The following GPC6 variants were observed in gnomAD, a reference collection of about 807,000 sequenced individuals.
GPC6 encodes glypican-6.
GPC6 carries 14 observed loss-of-function variants against 55.2 expected under a neutral mutation model. That is an observed-to-expected ratio of 0.25 (90% CI 0.17 to 0.40). The LOEUF is 0.40. Ranked by LOEUF, GPC6 falls within the 10% of genes least tolerant of loss-of-function variation. The pLI is 1.00. For missense variants in GPC6, 641 were observed against 708.5 expected, an observed-to-expected ratio of 0.90 and a Z score of 1.08; for synonymous variants, 278 against 259.6, an observed-to-expected ratio of 1.07 and a Z score of -0.68.
chr13:94,182,678 G>A (rs940192586), intron 4 of GPC6, among the ~76,000 whole-genome samples: 7 of 152,152 alleles, frequency 4.6e-5, no homozygotes, highest in Non-Finnish European at 8.8e-5. Context: ...AGCAGATAAA[G>A]TCCAAAATGA....
At chr13:93,850,384 G>A (rs1404484167) in intron 3 of GPC6, among the ~76,000 whole-genome samples, 2 of 151,740 alleles carry the variant, frequency 1.3e-5, no homozygotes, top group Admixed American at 1.3e-4. Flanking sequence ...TAATAACTCG[G>A]GAGACCATTG....
chr13:94,097,460 T>C (rs922983875), intron 4 of GPC6, among the ~76,000 whole-genome samples: 5 of 137,282 alleles, frequency 3.6e-5, no homozygotes, highest in Admixed American at 1.7e-4. Flanking sequence ...TGAGCGGAGA[T>C]CGCGCCACTG....
intron 1 of GPC6, among the ~76,000 whole-genome samples, chr13:93,293,149 A>T (rs926446489): frequency 2.6e-5 from 4 of 151,714 alleles, no homozygotes; most frequent in African/African-American, 9.7e-5. Flanking sequence ...TCTCGGGCTA[A>T]TTTTTTTCTA....
At chr13:94,354,699 T>G (rs1878709089) in intron 6 of GPC6, among the ~76,000 whole-genome samples, 1 of 152,224 alleles carries the variant, frequency 6.6e-6, no homozygotes, top group African/African-American at 2.4e-5. Context: ...ATGAAAAGAA[T>G]GCAGACAGCA....
At chr13:93,744,299 C>G (rs955653830) in intron 2 of GPC6, among the ~76,000 whole-genome samples, 1 of 152,092 alleles carries the variant, frequency 6.6e-6, no homozygotes, top group African/African-American at 2.4e-5. Flanking sequence ...TCAGCTCAGT[C>G]CTTACATTGA....
intron 2 of GPC6, among the ~76,000 whole-genome samples, chr13:93,803,236 C>T (rs1675041762): frequency 6.6e-6 from 1 of 152,036 alleles, no homozygotes; most frequent in Admixed American, 6.6e-5. Flanking sequence ...ATAAAGAACT[C>T]TTCTAATGCC....
chr13:94,284,516 C>A (rs1248342683), intron 4 of GPC6, among the ~76,000 whole-genome samples: 1 of 144,064 alleles, frequency 6.9e-6, no homozygotes, highest in Non-Finnish European at 1.5e-5. Context: ...ATTTCTCTGG[C>A]CTTCTATCAG....
intron 4 of GPC6, among the ~76,000 whole-genome samples, chr13:94,101,167 G>C (rs1298360591): frequency 1.3e-5 from 2 of 152,196 alleles, no homozygotes; most frequent in Non-Finnish European, 2.9e-5. Context: ...CCAGGCTTCT[G>C]TTTTAAACTA....
At chr13:94,060,191 G>T (rs1884271121) in intron 4 of GPC6, among the ~76,000 whole-genome samples, 1 of 152,118 alleles carries the variant, frequency 6.6e-6, no homozygotes, top group Non-Finnish European at 1.5e-5. Flanking sequence ...AGTTAAAATT[G>T]CAATCTGCCC....
intron 1 of GPC6, among the ~76,000 whole-genome samples, chr13:93,487,129 G>A (rs9524090): frequency 0.15 from 22,071 of 152,136 alleles, 1,829 homozygotes; most frequent in Non-Finnish European, 0.19. Flanking sequence ...TCTAACTAGT[G>A]TTAAATATCT....
At chr13:93,554,964 C>T (rs9584127) in intron 2 of GPC6, among the ~76,000 whole-genome samples, 22,876 of 152,156 alleles carry the variant, frequency 0.15, 1,915 homozygotes, top group Middle Eastern at 0.23. Flanking sequence ...ACAGTCTTCA[C>T]ACTGTTTCCT....
chr13:94,099,715 T>C (rs2138823707), intron 4 of GPC6, among the ~76,000 whole-genome samples: 1 of 152,286 alleles, frequency 6.6e-6, no homozygotes. Flanking sequence ...ACACTGAGGA[T>C]CTTGGGACCG....
At chr13:93,506,158 C>A (rs1272713144) in intron 1 of GPC6, among the ~76,000 whole-genome samples, 1 of 152,030 alleles carries the variant, frequency 6.6e-6, no homozygotes, top group Non-Finnish European at 1.5e-5. Flanking sequence ...CAGTTCAGAG[C>A]CCACTCCACC....
intron 4 of GPC6, among the ~76,000 whole-genome samples, chr13:94,100,825 T>C (rs1885830068): frequency 6.6e-6 from 1 of 152,242 alleles, no homozygotes; most frequent in Non-Finnish European, 1.5e-5. Flanking sequence ...GATAATAATT[T>C]CTTTGGAAAT....
chr13:93,368,124 C>G (rs1457669162), intron 1 of GPC6, among the ~76,000 whole-genome samples: 2 of 152,034 alleles, frequency 1.3e-5, no homozygotes, highest in African/African-American at 4.8e-5. Flanking sequence ...GTTGCAAACA[C>G]CTCTATGATT....
rs183663941 is a variant in GPC6 at position 93,551,780 on chromosome 13, G to A, written c.319+6359G>A. Among the ~76,000 whole-genome samples, 31 of 152,110 alleles carry A rather than the reference G, an allele frequency of 2.0e-4. No individual in the cohort carries two copies. In the East Asian group the frequency reaches 4.3e-3, roughly 21 times the overall value. On this transcript the variant is annotated intron_variant, in intron 2 of 8. Transcript: ENST00000377047. The stretch of plus-strand genomic sequence containing the variant: ...TTCCCAATGTTTTACTAATCACATT[G>A]ACTTTTAAAAAATAGATTCCCTAGG...
chr13:94,083,542 C>T (rs1191677554), intron 4 of GPC6, among the ~76,000 whole-genome samples: 1 of 152,214 alleles, frequency 6.6e-6, no homozygotes, highest in African/African-American at 2.4e-5. Context: ...GTCTTTATCA[C>T]TGCTATAGCC....
intron 2 of GPC6, among the ~76,000 whole-genome samples, chr13:93,547,102 G>A (rs1247579690): frequency 3.3e-5 from 5 of 151,724 alleles, no homozygotes; most frequent in African/African-American, 9.7e-5. Flanking sequence ...AGGCTGAGGC[G>A]GGTGGATCAT....
Position 93,649,220 on chromosome 13 carries a change from G to C in GPC6, c.319+103799G>C, listed in dbSNP as rs1423730232. On this transcript the variant is annotated intron_variant, in intron 2 of 8. Transcript: ENST00000377047. ...AATCCCAGCACTTTGGGAGGCTGAG[G>C]TGGTCAGATTGCTTGAGCTCACGAG... 2.0e-5 allele frequency among the ~76,000 whole-genome samples: 3 copies of C among 152,136 alleles called. No individual in the cohort carries two copies. The East Asian group carries it at 5.8e-4, about 29-fold the overall frequency.
Sources: gnomAD v4.1 joint callset for allele counts (sites outside exome capture counted in the v4.1 genomes callset) on GRCh38, gnomAD v4.1.1 for gene constraint, MANE v1.5 for transcripts, NCBI Gene and HGNC (gene_info 2026-07-23, HGNC 2026-07-21) for gene names.